MAP3K7CL: variants seen among roughly 807,000 people sequenced by gnomAD.
MAP3K7CL encodes MAP3K7 C-terminal-like protein.
In MAP3K7CL, 16 loss-of-function variants were observed where a neutral mutation model predicts 18.6. The observed-to-expected ratio is 0.86, with a 90% CI of 0.58 to 1.31. MAP3K7CL has a LOEUF of 1.31. MAP3K7CL is among the 50% of genes most tolerant of loss of function. The pLI, the probability that MAP3K7CL is intolerant of heterozygous loss-of-function variation, is 0.00. For missense variants in MAP3K7CL, 163 were observed against 174.4 expected (o/e 0.93, Z 0.37); for synonymous variants, 65 against 66.8 (o/e 0.97, Z 0.13).
In MAP3K7CL at chr21:29,173,763, A is replaced by G. The variant is rs145839969; in HGVS notation, c.249-949A>G. 6.6e-5 allele frequency among the ~76,000 whole-genome samples: 10 copies of G among 152,238 alleles called. No homozygotes were observed. The East Asian group carries it at 1.7e-3, about 26-fold the overall frequency. On this transcript the variant is annotated intron_variant, in intron 4 of 4. Coordinates refer to ENST00000399928, the MANE Select transcript of MAP3K7CL (RefSeq NM_001286620.2). The stretch of plus-strand genomic sequence containing the variant: ...TTTGCCCAGGCTGGAGTGCAGTGGC[A>G]CAATCATAGCTCACTGCAGCCTCAA...
At chr21:29,078,767 T>C (rs1036640727) in intron 1 of MAP3K7CL, among the ~76,000 whole-genome samples, 3 of 152,192 alleles carry the variant, frequency 2.0e-5, no homozygotes, top group Admixed American at 6.5e-5. Context: ...TTCTGCCTTT[T>C]ATCTATGGAG....
rs370521843 is a variant in MAP3K7CL, at chr21:29,134,937, G to C, written c.70+1523G>C. Among the ~76,000 whole-genome samples, 4 of 151,432 alleles carry C rather than the reference G, an allele frequency of 2.6e-5. No homozygotes were observed. The East Asian group carries it at 7.8e-4, about 29-fold the overall frequency. ...CTGGTGGCGGGCGCCTGTAGTCCCA[G>C]CTACTCGGGAGGCTGAGGCAGGAGA... On this transcript the variant is annotated intron_variant, in intron 2 of 4. Coordinates refer to ENST00000399928, the MANE Select transcript of MAP3K7CL (RefSeq NM_001286620.2).
chr21:29,144,048 T>A (rs1159130957), intron 2 of MAP3K7CL, among the ~76,000 whole-genome samples: 1 of 152,186 alleles, frequency 6.6e-6, no homozygotes, highest in Non-Finnish European at 1.5e-5. Context: ...CTCTCTGTCC[T>A]AAAGGGATAC....
upstream of MAP3K7CL, among the ~76,000 whole-genome samples, chr21:29,129,776 G>C (rs1001042954): frequency 2.0e-5 from 3 of 152,222 alleles, no homozygotes; most frequent in Non-Finnish European, 4.4e-5. Context: ...CACCAGCACG[G>C]AATGAAAGTT....
chr21:29,110,908 C>G (rs149317684), intron 4 of MAP3K7CL, among the ~76,000 whole-genome samples: 1 of 152,262 alleles, frequency 6.6e-6, no homozygotes, highest in African/African-American at 2.4e-5. Flanking sequence ...AGAGTTCTCT[C>G]ACTCTCAGCA....
At chr21:29,103,248 A>G (rs537651316) in intron 4 of MAP3K7CL, among the ~76,000 whole-genome samples, 18 of 152,178 alleles carry the variant, frequency 1.2e-4, no homozygotes, top group Non-Finnish European at 2.6e-4. Context: ...GATAGCAACT[A>G]TGTGACCCAC....
intron 4 of MAP3K7CL, among the ~76,000 whole-genome samples, chr21:29,163,163 T>C (rs982508268): frequency 1.3e-5 from 2 of 152,112 alleles, no homozygotes; most frequent in African/African-American, 4.8e-5. Context: ...AGAAGTAACA[T>C]GGCTAGCAGG....
upstream of MAP3K7CL, among the ~76,000 whole-genome samples, chr21:29,127,413 A>AAT (rs1434064639): frequency 6.6e-6 from 1 of 152,236 alleles, no homozygotes; most frequent in Non-Finnish European, 1.5e-5. Context: ...AAATTCTTAA[A>AAT]ATACCATGTA....
At chr21:29,100,679 T>TA (rs1422430918) in intron 4 of MAP3K7CL, among the ~76,000 whole-genome samples, 2 of 150,680 alleles carry the variant, frequency 1.3e-5, no homozygotes, top group Non-Finnish European at 3.0e-5. Context: ...AACCCCAACA[T>TA]TAGCAGCTTA....
At chr21:29,098,421 A>G (rs2086161481) in intron 4 of MAP3K7CL, among the ~76,000 whole-genome samples, 1 of 151,954 alleles carries the variant, frequency 6.6e-6, no homozygotes, top group South Asian at 2.1e-4. Context: ...CATTCTTTCA[A>G]TTTATATATG....
At chr21:29,090,823 G>A (rs568741770) in intron 1 of MAP3K7CL, among the ~76,000 whole-genome samples, 1 of 148,788 alleles carries the variant, frequency 6.7e-6, no homozygotes, top group East Asian at 2.0e-4. Flanking sequence ...CTTTGTGTAT[G>A]TGTGTTCTTA....
intron 4 of MAP3K7CL, chr21:29,109,418 G>C: frequency 7.7e-7 from 1 of 1,291,976 alleles, no homozygotes; most frequent in Admixed American, 3.5e-5. Context: ...GCCAGGAGGT[G>C]TTAAGTATTT....
chr21:29,131,699 G>A (rs1355114015), intron 1 of MAP3K7CL, among the ~76,000 whole-genome samples: 1 of 152,078 alleles, frequency 6.6e-6, no homozygotes, highest in Non-Finnish European at 1.5e-5. Context: ...GATTCTAACT[G>A]GATAATAAAC....
At chr21:29,163,713 T>G (rs906165821) in intron 4 of MAP3K7CL, among the ~76,000 whole-genome samples, 7 of 138,646 alleles carry the variant, frequency 5.0e-5, no homozygotes, top group Admixed American at 1.5e-4. Context: ...TTTTTTTTTT[T>G]GAGACAAAGT....
chr21:29,109,703 C>T, intron 4 of MAP3K7CL: 1 of 986,312 alleles, frequency 1.0e-6, no homozygotes, highest in Non-Finnish European at 1.2e-6. Flanking sequence ...CTCACTGCAA[C>T]CTTATACAAA....
chr21:29,150,715 C>A (rs187615329), intron 3 of MAP3K7CL, among the ~76,000 whole-genome samples: 1 of 151,834 alleles, frequency 6.6e-6, no homozygotes, highest in Admixed American at 6.6e-5. Flanking sequence ...CTCCCACCCC[C>A]ACCAATATGT....
upstream of MAP3K7CL, among the ~76,000 whole-genome samples, chr21:29,129,806 A>G (rs2086745878): frequency 6.6e-6 from 1 of 152,234 alleles, no homozygotes. Context: ...CCACAGCCTC[A>G]CCAACATTTG....
chr21:29,160,422 A>C (rs1358187959), intron 4 of MAP3K7CL, among the ~76,000 whole-genome samples: 2 of 152,270 alleles, frequency 1.3e-5, no homozygotes, highest in Non-Finnish European at 2.9e-5. Context: ...CACGTGAAGA[A>C]GCCACTGGGA....
chr21:29,108,797 T>C (rs1042211959), intron 4 of MAP3K7CL, among the ~76,000 whole-genome samples: 1 of 152,140 alleles, frequency 6.6e-6, no homozygotes, highest in African/African-American at 2.4e-5. Context: ...AACATAAGTA[T>C]TGTTGGTGGT....
Sources: gnomAD v4.1 joint callset for allele counts (sites outside exome capture counted in the v4.1 genomes callset) on GRCh38, gnomAD v4.1.1 for gene constraint, MANE v1.5 for transcripts, NCBI Gene and HGNC (gene_info 2026-07-23, HGNC 2026-07-21) for gene names.